The following RMDN2 variants were observed in gnomAD, a reference collection of about 807,000 sequenced individuals.
RMDN2 encodes regulator of microtubule dynamics protein 2.
RMDN2 carries 61 observed loss-of-function variants against 52.8 expected under a neutral mutation model. That is an observed-to-expected ratio of 1.16 (90% confidence interval 0.94 to 1.43). The LOEUF (loss-of-function observed/expected upper bound fraction) is 1.43, where lower values mean the gene tolerates loss of function less well. RMDN2 is among the 40% of genes most tolerant of loss of function. The probability of loss-of-function intolerance (pLI) is 0.00; values close to 1 mark genes in which losing one functional copy is unlikely to be tolerated. For synonymous variants in RMDN2, 180 were observed against 153.1 expected, an observed-to-expected ratio of 1.18 and a Z score of -1.30; for missense variants, 592 against 475.3, an observed-to-expected ratio of 1.25 and a Z score of -2.28.
chr2:38,028,420 T>G (rs1379674503), intron 10 of RMDN2, among the ~76,000 whole-genome samples: 1 of 152,242 alleles, frequency 6.6e-6, no homozygotes, highest in African/African-American at 2.4e-5. Context: ...AATTTTAATG[T>G]TATTTTCTAT....
intron 10 of RMDN2, among the ~76,000 whole-genome samples, chr2:38,007,172 T>G (rs886457427): frequency 5.3e-5 from 8 of 152,236 alleles, no homozygotes; most frequent in Admixed American, 6.5e-5. Flanking sequence ...TTCTCTTTTT[T>G]TGTTGTATCT....
intron 2 of RMDN2, among the ~76,000 whole-genome samples, chr2:37,944,005 G>C (rs1668014608): frequency 1.3e-5 from 2 of 152,144 alleles, no homozygotes; most frequent in African/African-American, 4.8e-5. Flanking sequence ...TTCAGAGTTA[G>C]ATTGAAATTA....
intron 10 of RMDN2, chr2:38,030,751 G>T (rs1484878189): frequency 6.6e-6 from 1 of 152,324 alleles, no homozygotes; most frequent in East Asian, 1.9e-4. Context: ...ACAAAGGTTA[G>T]ATTTGCTGAA....
rs1205703330 is a variant in RMDN2, at chr2:37,951,901, A to G, written c.453-22139A>G. ...GATATTTCCTCTCCCGATCAACAAA[A>G]TGGAATTGCCAATGATATTCAACAA... On this transcript the variant is annotated intron_variant, in intron 2 of 10. Coordinates refer to ENST00000354545, the MANE Select transcript of RMDN2 (RefSeq NM_001170791.3). 1 of 1,613,240 alleles carries G rather than the reference A, an allele frequency of 6.2e-7. No individual in the cohort carries two copies. The highest frequency in any genetic ancestry group is 1.3e-5 in the African/African-American group (1 of 74,860).
intron 2 of RMDN2, chr2:37,950,384 A>T: frequency 6.6e-7 from 1 of 1,518,386 alleles, no homozygotes; most frequent in South Asian, 1.1e-5. Context: ...TGAGCTACAG[A>T]ACAGTTCTAA....
chr2:37,950,472 C>T, intron 2 of RMDN2: 1 of 1,611,586 alleles, frequency 6.2e-7, no homozygotes. Flanking sequence ...CCACATGCAG[C>T]TTGAGCATTC....
intron 2 of RMDN2, among the ~76,000 whole-genome samples, chr2:37,958,189 A>G (rs1258423405): frequency 1.3e-5 from 2 of 152,150 alleles, no homozygotes; most frequent in African/African-American, 4.8e-5. Flanking sequence ...AAGAAAGTCA[A>G]TGGTAGCTTG....
At position 37,972,256 on chromosome 2, in the gene RMDN2, T is replaced by G. The variant is rs941820466; in HGVS notation, c.453-1784T>G. 2.6e-5 allele frequency among the ~76,000 whole-genome samples: 4 copies of G among 152,164 alleles called. No homozygotes were observed. The South Asian group carries it at 6.2e-4, about 24-fold the overall frequency. ...AAAATTTGTAGAATTTTTATTTTTA[T>G]GTAAATAATCATAACATCTGCAATA... On this transcript the variant is annotated intron_variant, in intron 2 of 10. Coordinates refer to ENST00000354545, the MANE Select transcript of RMDN2 (RefSeq NM_001170791.3).
chr2:38,066,539 G>T, intron 10 of RMDN2, among the ~76,000 whole-genome samples: 1 of 152,234 alleles, frequency 6.6e-6, no homozygotes, highest in Non-Finnish European at 1.5e-5. Flanking sequence ...AAAACGGAGA[G>T]TTAACAGCCA....
At chr2:37,950,446 T>A in intron 2 of RMDN2, 1 of 1,609,690 alleles carries the variant, frequency 6.2e-7, no homozygotes, top group Non-Finnish European at 8.5e-7. Context: ...CATTCTGTGT[T>A]ATTGCCATGT....
At chr2:38,042,624 A>C (rs1054614226) in intron 10 of RMDN2, among the ~76,000 whole-genome samples, 18 of 152,010 alleles carry the variant, frequency 1.2e-4, no homozygotes, top group Non-Finnish European at 2.5e-4. Flanking sequence ...TTCTTTTGCA[A>C]TATATGCATT....
intron 10 of RMDN2, among the ~76,000 whole-genome samples, chr2:38,045,899 G>A (rs1681245178): frequency 6.6e-6 from 1 of 152,144 alleles, no homozygotes; most frequent in African/African-American, 2.4e-5. Context: ...TGTGACCTTG[G>A]TGGAAAACAA....
At chr2:37,975,596 T>C (rs1672364680) in intron 4 of RMDN2, among the ~76,000 whole-genome samples, 2 of 151,964 alleles carry the variant, frequency 1.3e-5, no homozygotes, top group Non-Finnish European at 2.9e-5. Context: ...TTAGGAGAAA[T>C]ACCTAATGTA....
chr2:37,977,481 C>T lies in RMDN2; in HGVS notation c.730+2167C>T, dbSNP rs560846779. Among the ~76,000 whole-genome samples the T allele has an allele frequency of 8.6e-3, 1,303 of 151,232 alleles. 11 individuals carry two copies. Among genetic ancestry groups the T allele is most frequent in the Non-Finnish European group, 0.014 (935 of 67,762 alleles). ...CTGGGCGGGGGCTGCCCCCACCTCC[C>T]GGACGGGGCGGCTGCCGGGCGGAGA... On this transcript the variant is annotated intron_variant, in intron 4 of 10. Coordinates refer to ENST00000354545, the MANE Select transcript of RMDN2 (RefSeq NM_001170791.3).
intron 10 of RMDN2, among the ~76,000 whole-genome samples, chr2:38,047,956 TA>T (rs751859578): frequency 6.6e-6 from 1 of 152,226 alleles, no homozygotes. Flanking sequence ...ATTTCTTACC[TA>T]AAATACTCTG....
intron 8 of RMDN2, among the ~76,000 whole-genome samples, chr2:38,003,786 A>G (rs891567425): frequency 6.6e-6 from 1 of 152,238 alleles, no homozygotes; most frequent in East Asian, 1.9e-4. Flanking sequence ...AATCAATTTT[A>G]TTTTAATGGC....
At chr2:37,957,794 C>A (rs1317701163) in intron 2 of RMDN2, among the ~76,000 whole-genome samples, 1 of 152,088 alleles carries the variant, frequency 6.6e-6, no homozygotes, top group African/African-American at 2.4e-5. Flanking sequence ...TCATTTAAGT[C>A]TTTGATCCTT....
intron 2 of RMDN2, among the ~76,000 whole-genome samples, chr2:37,937,969 G>GT (rs1667451391): frequency 6.6e-6 from 1 of 152,130 alleles, no homozygotes; most frequent in African/African-American, 2.4e-5. Context: ...TCTTGTGCCG[G>GT]TTTTTAAAGG....
At chr2:38,031,907 TA>T (rs1680235716) in intron 10 of RMDN2, among the ~76,000 whole-genome samples, 1 of 152,054 alleles carries the variant, frequency 6.6e-6, no homozygotes, top group Non-Finnish European at 1.5e-5. Context: ...AAGGAGCCCA[TA>T]AATTGAGTCA....
Sources: gnomAD v4.1 joint callset for allele counts (sites outside exome capture counted in the v4.1 genomes callset) on GRCh38, gnomAD v4.1.1 for gene constraint, MANE v1.5 for transcripts, NCBI Gene and HGNC (gene_info 2026-07-23, HGNC 2026-07-21) for gene names.